NDUFAF2: variants seen among roughly 807,000 people sequenced by gnomAD.
The protein encoded by NDUFAF2 is NADH:ubiquinone oxidoreductase complex assembly factor 2.
NDUFAF2 carries 13 observed loss-of-function variants against 22.8 expected under a neutral mutation model. The ratio of observed to expected loss-of-function variants is 0.57; its 90% CI spans 0.37 to 0.91. The LOEUF (loss-of-function observed/expected upper bound fraction) is 0.91, where lower values mean the gene tolerates loss of function less well. Ranked by LOEUF, NDUFAF2 falls within the 40% of genes least tolerant of loss-of-function variation. NDUFAF2 has a pLI of 0.01. For missense variants in NDUFAF2, 162 were observed against 195.2 expected (o/e 0.83, Z 1.01); for synonymous variants, 53 against 64.2 (o/e 0.83, Z 0.84).
At chr5:61,130,061 C>T (rs1021551657) in intron 3 of NDUFAF2, among the ~76,000 whole-genome samples, 12 of 152,038 alleles carry the variant, frequency 7.9e-5, no homozygotes, top group Non-Finnish European at 1.6e-4. Flanking sequence ...TACCACGAAG[C>T]TTTTTATTGC....
chr5:61,150,113 G>A (rs1477830674), intron 3 of NDUFAF2, among the ~76,000 whole-genome samples: 1 of 152,128 alleles, frequency 6.6e-6, no homozygotes, highest in Non-Finnish European at 1.5e-5. Context: ...TGTATTTTTA[G>A]TAGAGACAGG....
Position 61,020,545 on chromosome 5 carries a change from T to TTG in NDUFAF2, c.128-52579_128-52578insGT, listed in dbSNP as rs1340553314. ...ATTATTTTGAACTGTGTGGGTTTTG[T>TTG]TATGTGTGTGTGTGTGTGTGTGTGT... On this transcript the variant is annotated intron_variant, in intron 1 of 3. Coordinates refer to ENST00000296597, the MANE Select transcript of NDUFAF2 (RefSeq NM_174889.5). 1.6e-4 allele frequency among the ~76,000 whole-genome samples: 18 copies of TTG among 114,312 alleles called. No individual in the cohort carries two copies. The East Asian group carries it at 3.4e-3, about 21-fold the overall frequency. 75.0% of individuals were successfully genotyped at this position (114,312 alleles called of 152,430 possible).
intron 1 of NDUFAF2, among the ~76,000 whole-genome samples, chr5:61,010,406 T>C (rs890104577): frequency 2.0e-5 from 3 of 152,144 alleles, no homozygotes; most frequent in Non-Finnish European, 4.4e-5. Context: ...TCGTTTTCTG[T>C]GTATCATAGG....
chr5:61,021,011 T>C (rs1751576660), intron 1 of NDUFAF2, among the ~76,000 whole-genome samples: 1 of 151,168 alleles, frequency 6.6e-6, no homozygotes, highest in African/African-American at 2.4e-5. Context: ...TTTTTTTTTT[T>C]TGCTATTTAA....
At chr5:61,101,053 TCAAA>T (rs1288136608) in intron 3 of NDUFAF2, among the ~76,000 whole-genome samples, 4 of 152,154 alleles carry the variant, frequency 2.6e-5, no homozygotes, top group Non-Finnish European at 5.9e-5. Flanking sequence ...TTAGTTTTTA[TCAAA>T]CACAGTTCTT....
chr5:61,056,793 G>A (rs943299479), intron 1 of NDUFAF2, among the ~76,000 whole-genome samples: 23 of 148,284 alleles, frequency 1.6e-4, no homozygotes, highest in African/African-American at 5.3e-4. Context: ...GGAGGCTGAG[G>A]CATGAGAATC....
chr5:61,049,613 C>T (rs530783995), intron 1 of NDUFAF2, among the ~76,000 whole-genome samples: 1 of 152,124 alleles, frequency 6.6e-6, no homozygotes, highest in East Asian at 1.9e-4. Flanking sequence ...CTTCTTCTCC[C>T]CCACCATTCT....
Position 60,951,170 on chromosome 5 carries a change from C to T in NDUFAF2, c.127+5788C>T, listed in dbSNP as rs186571338. Among the ~76,000 whole-genome samples, 323 of 152,158 alleles carry T rather than the reference C, an allele frequency of 2.1e-3. 1 individual carries two copies. Among genetic ancestry groups the T allele is most frequent in the Non-Finnish European group, 3.8e-3 (259 of 68,018 alleles). ...TCAGCCTCTCGAGTAGCTGGGATTA[C>T]AGGTGCCCACCACCATGCCCAGCTA... On this transcript the variant is annotated intron_variant, in intron 1 of 3. Coordinates refer to ENST00000296597, the MANE Select transcript of NDUFAF2 (RefSeq NM_174889.5).
chr5:61,054,941 G>A (rs1277723393), intron 1 of NDUFAF2, among the ~76,000 whole-genome samples: 1 of 152,156 alleles, frequency 6.6e-6, no homozygotes, highest in Non-Finnish European at 1.5e-5. Context: ...AATAATGAGA[G>A]CTGTTCTCTC....
chr5:60,951,518 G>A (rs891938819), intron 1 of NDUFAF2, among the ~76,000 whole-genome samples: 6 of 152,140 alleles, frequency 3.9e-5, no homozygotes, highest in Non-Finnish European at 8.8e-5. Flanking sequence ...TTGATTGATT[G>A]TTGAATGTCT....
intron 1 of NDUFAF2, among the ~76,000 whole-genome samples, chr5:61,045,961 T>G (rs1214651832): frequency 6.6e-6 from 1 of 152,206 alleles, no homozygotes; most frequent in Non-Finnish European, 1.5e-5. Flanking sequence ...TTGTCATATA[T>G]GGCCTTATTG....
chr5:60,979,642 C>T (rs1388904866), intron 1 of NDUFAF2, among the ~76,000 whole-genome samples: 1 of 152,100 alleles, frequency 6.6e-6, no homozygotes, highest in African/African-American at 2.4e-5. Context: ...GGCTCAGCCA[C>T]AGTGGAATAG....
At chr5:61,044,723 T>C (rs967385572) in intron 1 of NDUFAF2, among the ~76,000 whole-genome samples, 1 of 152,196 alleles carries the variant, frequency 6.6e-6, no homozygotes, top group African/African-American at 2.4e-5. Context: ...TTTTGATTAC[T>C]ATAGCTTTGT....
chr5:61,078,683 G>A (rs571214884), intron 2 of NDUFAF2, among the ~76,000 whole-genome samples: 8 of 152,242 alleles, frequency 5.3e-5, no homozygotes, highest in Admixed American at 5.2e-4. Context: ...AGAGGTTGCA[G>A]TGAGCTGAGA....
chr5:61,029,589 T>C (rs1751698082), intron 1 of NDUFAF2, among the ~76,000 whole-genome samples: 1 of 152,174 alleles, frequency 6.6e-6, no homozygotes, highest in South Asian at 2.1e-4. Context: ...ATTCTAGGCC[T>C]GTGCTCTGAA....
intron 1 of NDUFAF2, among the ~76,000 whole-genome samples, chr5:60,951,906 A>G (rs1389293648): frequency 6.6e-6 from 1 of 151,842 alleles, no homozygotes; most frequent in Non-Finnish European, 1.5e-5. Flanking sequence ...TTTGGCAGGT[A>G]TAAGACTACT....
intron 1 of NDUFAF2, among the ~76,000 whole-genome samples, chr5:60,954,112 C>G (rs1036997869): frequency 2.0e-5 from 3 of 152,110 alleles, no homozygotes; most frequent in African/African-American, 7.2e-5. Context: ...GTAACTAGGA[C>G]TAGTTCCAGC....
At chr5:61,014,739 C>A (rs1365277866) in intron 1 of NDUFAF2, among the ~76,000 whole-genome samples, 1 of 152,170 alleles carries the variant, frequency 6.6e-6, no homozygotes, top group Non-Finnish European at 1.5e-5. Context: ...AAAACCCCCA[C>A]ATATTTGATT....
rs545586293 is a variant in NDUFAF2, at chr5:61,007,291, G to A, written c.127+61909G>A. Among the ~76,000 whole-genome samples, 4 of 151,976 alleles carry A rather than the reference G, an allele frequency of 2.6e-5. No individual in the cohort carries two copies. In the East Asian group the frequency reaches 7.7e-4, roughly 29 times the overall value. ...TTTAATCCATCTTGAATTAATTTTT[G>A]TATAAGGTGTAAGGAAGGGATCCAG... On this transcript the variant is annotated intron_variant, in intron 1 of 3. Transcript: ENST00000296597.
Sources: gnomAD v4.1 joint callset for allele counts (sites outside exome capture counted in the v4.1 genomes callset) on GRCh38, gnomAD v4.1.1 for gene constraint, MANE v1.5 for transcripts, NCBI Gene and HGNC (gene_info 2026-07-23, HGNC 2026-07-21) for gene names.